The following OTUD7B variants were observed in gnomAD, a reference collection of about 807,000 sequenced individuals.
OTUD7B encodes the protein OTU domain-containing protein 7B.
Under a neutral mutation model 82.2 loss-of-function variants are expected in OTUD7B, and 34 were observed. That is an observed-to-expected ratio of 0.41 (90% CI 0.31 to 0.55). OTUD7B has a LOEUF of 0.55. Ranked by LOEUF, OTUD7B falls within the 20% of genes least tolerant of loss-of-function variation. The pLI, the probability that OTUD7B is intolerant of heterozygous loss-of-function variation, is 0.20. For missense variants in OTUD7B, 944 were observed against 1,062.1 expected (o/e 0.89, Z 1.55); for synonymous variants, 398 against 402.7 (o/e 0.99, Z 0.14).
upstream of OTUD7B, among the ~76,000 whole-genome samples, chr1:150,011,244 A>C (rs1653030149): frequency 6.6e-6 from 1 of 152,188 alleles, no homozygotes; most frequent in Non-Finnish European, 1.5e-5. Context: ...TTACTTGCAT[A>C]ACAGTGATAC....
At chr1:149,959,631 G>T in intron 7 of OTUD7B, 53 bp downstream of exon 7, 1 of 1,071,528 alleles carries the variant, frequency 9.3e-7, no homozygotes, top group Non-Finnish European at 1.5e-6. Context: ...GGCTGTGGAA[G>T]CCCAGTGAGG....
chr1:150,025,152 T>C, the OTUD7B span, among the ~76,000 whole-genome samples: 1 of 152,000 alleles, frequency 6.6e-6, no homozygotes, highest in Admixed American at 6.6e-5. Context: ...CTGGGCGCGG[T>C]GCCTCATGCC....
rs1407407408 is a variant in OTUD7B, at chr1:149,938,864, G to A, written c.*4993C>T. The A allele has an allele frequency of 1.4e-5, 2 of 141,978 alleles. No homozygotes were observed. Among genetic ancestry groups the A allele is most frequent in the Non-Finnish European group, 3.0e-5 (2 of 66,584 alleles). The allele number at this position is 141,978 out of a possible 1,614,324, so 8.8% of individuals were successfully genotyped here. A position where few individuals can be genotyped will look rare whatever the true frequency, so the allele number is the denominator to read the frequency against. ...GGAGAATCGCTTGAACCCAGGAGACGAAGGTTGCAGTGAGCCGGGATCGCG... is the reference window on the plus strand; with the variant it reads ...GGAGAATCGCTTGAACCCAGGAGACAAAGGTTGCAGTGAGCCGGGATCGCG... On this transcript the variant is annotated 3_prime_UTR_variant, in exon 12 of 12. Transcript: ENST00000581312.
the OTUD7B span, among the ~76,000 whole-genome samples, chr1:150,024,136 A>G: frequency 2.6e-5 from 4 of 152,216 alleles, no homozygotes; most frequent in African/African-American, 9.6e-5. Context: ...TTATCTGCAC[A>G]AGGTGGAATA....
At chr1:150,017,499 C>T in the OTUD7B span, among the ~76,000 whole-genome samples, 13 of 152,150 alleles carry the variant, frequency 8.5e-5, no homozygotes, top group Admixed American at 6.5e-5. Flanking sequence ...TGCTACCTTA[C>T]CTAATTGGAA....
At chr1:150,047,484 AT>A in the OTUD7B span, among the ~76,000 whole-genome samples, 82 of 152,210 alleles carry the variant, frequency 5.4e-4, no homozygotes, top group African/African-American at 1.9e-3. Flanking sequence ...TGTAAGAGAG[AT>A]TAGGGATTTT....
intron 6 of OTUD7B, chr1:149,963,030 A>G (rs1157309255): frequency 2.0e-5 from 3 of 152,200 alleles, no homozygotes; most frequent in African/African-American, 4.8e-5. Context: ...TCTGATCTTA[A>G]TATCATCTAC....
chr1:150,003,707 A>ATGTTTAGGTTTAGACG (rs1652459996), intron 1 of OTUD7B, among the ~76,000 whole-genome samples: 1 of 152,184 alleles, frequency 6.6e-6, no homozygotes, highest in Non-Finnish European at 1.5e-5. Flanking sequence ...GATAGGAGAC[A>ATGTTTAGGTTTAGACG]TGTTTAGGTT....
chr1:149,987,537 G>A (rs1651237903), intron 1 of OTUD7B, among the ~76,000 whole-genome samples: 1 of 152,150 alleles, frequency 6.6e-6, no homozygotes, highest in Non-Finnish European at 1.5e-5. Flanking sequence ...TGAAGCCTTA[G>A]GGCAGCTTAT....
intron 7 of OTUD7B, among the ~76,000 whole-genome samples, 197 bp from the exon 8 acceptor site, chr1:149,950,418 G>A (rs1648100066): frequency 6.6e-6 from 1 of 152,136 alleles, no homozygotes; most frequent in Admixed American, 6.6e-5. Context: ...TTCACAGATG[G>A]GGAAATCCAA....
the OTUD7B span, among the ~76,000 whole-genome samples, chr1:150,062,708 CTTTTTTT>C: frequency 1.0e-5 from 1 of 96,056 alleles, no homozygotes; most frequent in Non-Finnish European, 1.9e-5. Flanking sequence ...CTTCTTCTTT[CTTTTTTT>C]TTTTTTTTTT....
chr1:149,993,872 T>TA (rs1651757382), intron 1 of OTUD7B, among the ~76,000 whole-genome samples: 1 of 152,214 alleles, frequency 6.6e-6, no homozygotes, highest in South Asian at 2.1e-4. Context: ...TCTAAGCCTC[T>TA]AGGGTCAAAC....
At position 149,951,340 on chromosome 1, in the gene OTUD7B, G is replaced by A. The variant is rs587690049; in HGVS notation, c.846-1119C>T. On this transcript the variant is annotated intron_variant, in intron 7 of 11. Transcript: ENST00000581312. Reference sequence around the variant, plus strand: ...AGGATGGTCTTGATCTCCTGACCTCGTGATCCGCCCGTCTCAGCCTCCCAA... The same window carrying A: ...AGGATGGTCTTGATCTCCTGACCTCATGATCCGCCCGTCTCAGCCTCCCAA... Among the ~76,000 whole-genome samples, 197 of 152,010 alleles carry A rather than the reference G, an allele frequency of 1.3e-3. 1 individual carries two copies. Among genetic ancestry groups the A allele is most frequent in the African/African-American group, 4.7e-3 (193 of 41,454 alleles).
At position 149,941,046 on chromosome 1, in the gene OTUD7B, A is replaced by G. The variant is rs782488502; in HGVS notation, c.*2811T>C. ...ATAATTTATTTCTTAATAAAAAGCT[A>G]TAAGGCCTAAAGCCCCATTTTACCA... On this transcript the variant is annotated 3_prime_UTR_variant, in exon 12 of 12. Transcript: ENST00000581312. 2 of 152,192 alleles carry G rather than the reference A, an allele frequency of 1.3e-5. No individual in the cohort carries two copies. The highest frequency in any genetic ancestry group is 2.9e-5 in the Non-Finnish European group (2 of 68,030). The allele number at this position is 152,192 out of a possible 1,614,324, so 9.4% of individuals were successfully genotyped here. A position where few individuals can be genotyped will look rare whatever the true frequency, so the allele number is the denominator to read the frequency against.
At chr1:150,056,251 G>A in the OTUD7B span, among the ~76,000 whole-genome samples, 1 of 151,944 alleles carries the variant, frequency 6.6e-6, no homozygotes, top group Non-Finnish European at 1.5e-5. Flanking sequence ...CCCCAAAACA[G>A]AATAATGATA....
intron 1 of OTUD7B, among the ~76,000 whole-genome samples, chr1:149,987,833 A>G (rs192388326): frequency 6.6e-6 from 1 of 152,324 alleles, no homozygotes; most frequent in East Asian, 1.9e-4. Context: ...ACCTTCCACC[A>G]GATGGTCTCT....
At position 149,980,830 on chromosome 1, in the gene OTUD7B, C is replaced by T. The variant is rs141529001; in HGVS notation, c.-66-3254G>A. On this transcript the variant is annotated intron_variant, in intron 1 of 11. Coordinates refer to ENST00000581312, the MANE Select transcript of OTUD7B (RefSeq NM_020205.4). Reference sequence around the variant, plus strand: ...GAGTTTGAGACCAGCCTGGACAACACAGTGGGACCCTGTCTCTAAAAACCT... The same window carrying T: ...GAGTTTGAGACCAGCCTGGACAACATAGTGGGACCCTGTCTCTAAAAACCT... Among the ~76,000 whole-genome samples, 853 of 152,162 alleles carry T rather than the reference C, an allele frequency of 5.6e-3. 6 individuals are homozygous for T. Among genetic ancestry groups the T allele is most frequent in the African/African-American group, 0.019 (800 of 41,520 alleles).
chr1:150,022,479 C>T, the OTUD7B span, among the ~76,000 whole-genome samples: 1 of 150,740 alleles, frequency 6.6e-6, no homozygotes, highest in Non-Finnish European at 1.5e-5. Flanking sequence ...CAACTCCAGC[C>T]GTTGGTAACT....
chr1:150,012,749 T>A (rs1479620470), upstream of OTUD7B, among the ~76,000 whole-genome samples: 3 of 152,182 alleles, frequency 2.0e-5, no homozygotes, highest in African/African-American at 7.2e-5. Context: ...GGCCAGGAAG[T>A]GATGGGGTCA....
Sources: gnomAD v4.1 joint callset for allele counts (sites outside exome capture counted in the v4.1 genomes callset) on GRCh38, gnomAD v4.1.1 for gene constraint, MANE v1.5 for transcripts, NCBI Gene and HGNC (gene_info 2026-07-23, HGNC 2026-07-21) for gene names.